Variants in CD38 observed in about 807,000 individuals in gnomAD.
CD38 encodes the protein CD38 molecule.
In CD38, 31 loss-of-function variants were observed where a neutral mutation model predicts 36.3. The ratio of observed to expected loss-of-function variants is 0.85; its 90% CI spans 0.64 to 1.15. The LOEUF (loss-of-function observed/expected upper bound fraction) is 1.15. Among genes scored for constraint, CD38 ranks in the 50% most tolerant of loss-of-function variants. CD38 has a pLI of 0.00. For missense variants in CD38, 380 were observed against 371.9 expected, an observed-to-expected ratio of 1.02 and a Z score of -0.18; for synonymous variants, 131 against 135.2, an observed-to-expected ratio of 0.97 and a Z score of 0.22.
At chr4:15,812,054 A>G (rs1178641147) in intron 1 of CD38, among the ~76,000 whole-genome samples, 1 of 152,120 alleles carries the variant, frequency 6.6e-6, no homozygotes, top group East Asian at 1.9e-4. Flanking sequence ...TCTTTTCTGC[A>G]TTGCTTCGGC....
intron 1 of CD38, among the ~76,000 whole-genome samples, chr4:15,792,432 T>TAA (rs1435943010): frequency 2.2e-4 from 12 of 54,318 alleles, no homozygotes; most frequent in African/African-American, 1.1e-3. Flanking sequence ...AAAAATAAAA[T>TAA]AAAATAAAAA....
At chr4:15,838,956 TCTC>T (rs1560320480) in intron 5 of CD38, among the ~76,000 whole-genome samples, 3 of 152,198 alleles carry the variant, frequency 2.0e-5, no homozygotes, top group African/African-American at 7.2e-5. Flanking sequence ...CCTTGGCTGA[TCTC>T]CTTCTATATT....
chr4:15,809,625 A>T (rs1309990323), intron 1 of CD38, among the ~76,000 whole-genome samples: 1 of 152,068 alleles, frequency 6.6e-6, no homozygotes, highest in Non-Finnish European at 1.5e-5. Context: ...TTCCAACAGC[A>T]CTTCTGGTTT....
intron 2 of CD38, among the ~76,000 whole-genome samples, chr4:15,822,294 G>A (rs1230662141): frequency 2.0e-5 from 3 of 152,154 alleles, no homozygotes; most frequent in African/African-American, 7.2e-5. Flanking sequence ...AGACAAGGAT[G>A]TCCTCTCTCA....
chr4:15,826,709 C>T (rs888989621), intron 3 of CD38, among the ~76,000 whole-genome samples: 16 of 151,444 alleles, frequency 1.1e-4, no homozygotes, highest in South Asian at 2.1e-4. Context: ...AGTTTAAGAA[C>T]GGCCTGGGCA....
chr4:15,837,802 C>G (rs961484146), intron 4 of CD38, among the ~76,000 whole-genome samples: 2 of 152,186 alleles, frequency 1.3e-5, no homozygotes, highest in Non-Finnish European at 2.9e-5. Flanking sequence ...AGACATTCCT[C>G]TTACTCCTCT....
chr4:15,830,477 CTATT>C (rs1723938328), intron 3 of CD38, among the ~76,000 whole-genome samples: 2 of 152,020 alleles, frequency 1.3e-5, no homozygotes, highest in African/African-American at 4.8e-5. Flanking sequence ...AATTACTTAT[CTATT>C]CTGGTTTTTA....
intron 1 of CD38, among the ~76,000 whole-genome samples, chr4:15,790,522 G>T (rs567486966): frequency 6.6e-6 from 1 of 151,866 alleles, no homozygotes; most frequent in Non-Finnish European, 1.5e-5. Flanking sequence ...ATCTCGGCTC[G>T]CTACAACCTC....
chr4:15,848,459 A>G (rs1724312087), intron 7 of CD38, 80 bp from the exon 8 acceptor site: 1 of 1,003,460 alleles, frequency 1.0e-6, no homozygotes. Flanking sequence ...TCGCTAAAAA[A>G]GGGGCTTCCT....
At chr4:15,833,129 TC>T (rs375419261) in intron 3 of CD38, among the ~76,000 whole-genome samples, 563 of 152,080 alleles carry the variant, frequency 3.7e-3, no homozygotes, top group East Asian at 0.015. Context: ...AGCAGTGGGC[TC>T]CCCTCTGGCC....
rs1388830189 is a variant in CD38 at position 15,798,285 on chromosome 4, C to T, written c.234-18226C>T. 2.0e-5 allele frequency among the ~76,000 whole-genome samples: 3 copies of T among 152,206 alleles called. No individual in the cohort carries two copies. In the East Asian group the frequency reaches 5.8e-4, roughly 29 times the overall value. ...CAGCAGCACAGTGATGGCCGAGGCTCTTTCCTTCCACTCTTCCATCTCCCT... is the reference window on the plus strand; with the variant it reads ...CAGCAGCACAGTGATGGCCGAGGCTTTTTCCTTCCACTCTTCCATCTCCCT... On this transcript the variant is annotated intron_variant, in intron 1 of 7. Transcript: ENST00000226279.
chr4:15,793,896 A>G (rs1560308408), intron 1 of CD38, among the ~76,000 whole-genome samples: 1 of 152,248 alleles, frequency 6.6e-6, no homozygotes, highest in Non-Finnish European at 1.5e-5. Context: ...GTACTGAAAA[A>G]ATGAATTTCC....
At chr4:15,813,299 C>T (rs6449197) in intron 1 of CD38, among the ~76,000 whole-genome samples, 34,087 of 151,848 alleles carry the variant, frequency 0.22, 5,723 homozygotes, top group African/African-American at 0.48. Context: ...TATTTCTAAT[C>T]TGCTCAGTGT....
chr4:15,833,372 T>C (rs1026861714), intron 3 of CD38, among the ~76,000 whole-genome samples: 3 of 152,214 alleles, frequency 2.0e-5, no homozygotes, highest in African/African-American at 7.2e-5. Context: ...ATAAAAGAGG[T>C]TTATTTTCAT....
chr4:15,833,284 G>T (rs1335289774), intron 3 of CD38, among the ~76,000 whole-genome samples: 1 of 152,152 alleles, frequency 6.6e-6, no homozygotes, highest in South Asian at 2.1e-4. Context: ...TACTAATTGG[G>T]TATCACTTCT....
chr4:15,787,229 G>A (rs528278588), intron 1 of CD38, among the ~76,000 whole-genome samples: 1 of 152,268 alleles, frequency 6.6e-6, no homozygotes, highest in Admixed American at 6.5e-5. Flanking sequence ...CACTGAGAGC[G>A]AGCGAGGGCC....
At chr4:15,797,590 G>A (rs909406644) in intron 1 of CD38, among the ~76,000 whole-genome samples, 3 of 152,130 alleles carry the variant, frequency 2.0e-5, no homozygotes, top group Non-Finnish European at 4.4e-5. Flanking sequence ...AAGCCGGGTG[G>A]CTTCAACAAT....
chr4:15,848,367 G>A lies in CD38; in HGVS notation c.840-172G>A, dbSNP rs117698095. Among the ~76,000 whole-genome samples the A allele has an allele frequency of 1.3e-4, 20 of 152,270 alleles. No homozygotes were observed. The East Asian group carries it at 3.5e-3, about 26-fold the overall frequency. ...CTCCTGCTGTTTTTTTGACCAGCAG[G>A]TGGCATGGATAGCTCCCCTCCCGAC... On this transcript the variant is annotated intron_variant, in intron 7 of 7. Transcript: ENST00000226279.
intron 7 of CD38, among the ~76,000 whole-genome samples, chr4:15,847,511 TA>T (rs1347161888): frequency 4.7e-5 from 5 of 106,214 alleles, no homozygotes; most frequent in African/African-American, 2.0e-4. Flanking sequence ...TATACATATG[TA>T]ACTAACCTGC....
Sources: allele counts gnomAD v4.1 joint callset (sites outside exome capture counted in the v4.1 genomes callset), GRCh38; gene constraint gnomAD v4.1.1; transcripts MANE v1.5; gene names NCBI Gene and HGNC (gene_info 2026-07-23, HGNC 2026-07-21).